HS3ST5: variants seen among roughly 807,000 people sequenced by gnomAD.
HS3ST5 encodes the protein heparan sulfate-glucosamine 3-sulfotransferase 5.
Under a neutral mutation model 25.4 loss-of-function variants are expected in HS3ST5, and 10 were observed. The observed-to-expected ratio is 0.39, with a 90% confidence interval of 0.24 to 0.67. The LOEUF (loss-of-function observed/expected upper bound fraction) is 0.67, where lower values mean the gene tolerates loss of function less well. HS3ST5 is among the 30% of genes least tolerant of loss of function. HS3ST5 has a pLI of 0.44. For missense variants in HS3ST5, 324 were observed against 420.7 expected, an observed-to-expected ratio of 0.77 and a Z score of 2.01; for synonymous variants, 170 against 162.4, an observed-to-expected ratio of 1.05 and a Z score of -0.36.
At chr6:114,102,812 T>G (rs530688020) in intron 3 of HS3ST5, among the ~76,000 whole-genome samples, 14 of 152,270 alleles carry the variant, frequency 9.2e-5, no homozygotes, top group Non-Finnish European at 1.8e-4. Context: ...ACAGAAAAAT[T>G]CTGAACTCCA....
At chr6:114,122,514 G>A (rs369308120) in intron 3 of HS3ST5, among the ~76,000 whole-genome samples, 2 of 152,090 alleles carry the variant, frequency 1.3e-5, no homozygotes, top group African/African-American at 4.8e-5. Context: ...TTTTCAACAG[G>A]GTGGTAGATT....
At chr6:114,242,906 T>C (rs1208954550) in intron 1 of HS3ST5, among the ~76,000 whole-genome samples, 1 of 151,706 alleles carries the variant, frequency 6.6e-6, no homozygotes, top group African/African-American at 2.4e-5. Flanking sequence ...TCTTTACCCC[T>C]TTTCTTTGGA....
chr6:114,257,913 T>TGATA (rs1283574174), intron 1 of HS3ST5, among the ~76,000 whole-genome samples: 3 of 151,922 alleles, frequency 2.0e-5, no homozygotes, highest in Non-Finnish European at 4.4e-5. Flanking sequence ...ACTTATTGAT[T>TGATA]GATAGATAGA....
Position 114,065,101 on chromosome 6 carries a change from T to A in HS3ST5, c.-32-2224A>T, listed in dbSNP as rs575393615. Among the ~76,000 whole-genome samples, 3 of 150,598 alleles carry A rather than the reference T, an allele frequency of 2.0e-5. No individual in the cohort carries two copies. The South Asian group carries it at 6.3e-4, about 32-fold the overall frequency. On this transcript the variant is annotated intron_variant, in intron 3 of 4. Coordinates refer to ENST00000312719, the MANE Select transcript of HS3ST5 (RefSeq NM_153612.4). ...AATAAAATGGGGAAGAGAAAGAGAG[T>A]GAGGTTTCTTGAGGCTTACTGTGTA...
chr6:114,199,958 G>A (rs1303807294), intron 2 of HS3ST5, among the ~76,000 whole-genome samples: 3 of 152,194 alleles, frequency 2.0e-5, no homozygotes, highest in Admixed American at 1.3e-4. Flanking sequence ...TCACGCCTGT[G>A]TTCCCAGCAC....
chr6:114,160,160 G>C (rs765938817), intron 3 of HS3ST5, among the ~76,000 whole-genome samples: 5 of 152,170 alleles, frequency 3.3e-5, no homozygotes, highest in Admixed American at 1.3e-4. Context: ...ATGCCTGGCA[G>C]CAATAGGCGT....
chr6:114,340,466 AAC>A (rs1358408600), intron 1 of HS3ST5: 3 of 152,348 alleles, frequency 2.0e-5, no homozygotes, highest in East Asian at 1.9e-4. Flanking sequence ...AAATTTAAGC[AAC>A]AGTTTCCTTC....
At chr6:114,307,461 ATT>A (rs1775346107) in intron 1 of HS3ST5, among the ~76,000 whole-genome samples, 1 of 151,948 alleles carries the variant, frequency 6.6e-6, no homozygotes. Context: ...ATGTCTAAGA[ATT>A]TTATTGTTGT....
intron 3 of HS3ST5, among the ~76,000 whole-genome samples, chr6:114,092,037 TC>T (rs923700882): frequency 2.6e-5 from 4 of 152,228 alleles, no homozygotes; most frequent in Non-Finnish European, 5.9e-5. Context: ...TTTTATCTCT[TC>T]GTTTTTCCAA....
chr6:114,086,571 T>A (rs1353654651), intron 3 of HS3ST5, among the ~76,000 whole-genome samples: 1 of 152,204 alleles, frequency 6.6e-6, no homozygotes, highest in Non-Finnish European at 1.5e-5. Flanking sequence ...TGTGAGATGC[T>A]CAGCAGAGAA....
chr6:114,185,084 C>G (rs911499261), intron 2 of HS3ST5, among the ~76,000 whole-genome samples: 1 of 152,074 alleles, frequency 6.6e-6, no homozygotes, highest in African/African-American at 2.4e-5. Flanking sequence ...GGACTTTAGA[C>G]TTAGGAGTTG....
chr6:114,278,545 T>C (rs1233915539), intron 1 of HS3ST5, among the ~76,000 whole-genome samples: 2 of 151,628 alleles, frequency 1.3e-5, no homozygotes, highest in African/African-American at 4.8e-5. Context: ...TTCAGTATTC[T>C]TTAAAAGTCC....
chr6:114,279,410 T>C (rs1201523963), intron 1 of HS3ST5, among the ~76,000 whole-genome samples: 9 of 152,062 alleles, frequency 5.9e-5, no homozygotes, highest in Admixed American at 5.9e-4. Flanking sequence ...AACCTGTTCT[T>C]TCTATTTAGA....
chr6:114,296,129 G>A (rs1774810241), intron 1 of HS3ST5, among the ~76,000 whole-genome samples: 1 of 152,040 alleles, frequency 6.6e-6, no homozygotes, highest in Non-Finnish European at 1.5e-5. Context: ...TGCAAAAATA[G>A]CAGAAGTTCA....
intron 1 of HS3ST5, among the ~76,000 whole-genome samples, chr6:114,306,264 C>T (rs1280768970): frequency 3.2e-5 from 4 of 126,246 alleles, no homozygotes; most frequent in African/African-American, 5.7e-5. Context: ...TATACACACA[C>T]ACACACACAC....
intron 1 of HS3ST5, among the ~76,000 whole-genome samples, chr6:114,297,654 A>G (rs1443383305): frequency 6.6e-6 from 1 of 152,198 alleles, no homozygotes; most frequent in Non-Finnish European, 1.5e-5. Flanking sequence ...CTTTCTATGG[A>G]CAAAGTACCA....
At chr6:114,092,571 G>A (rs540595534) in intron 3 of HS3ST5, among the ~76,000 whole-genome samples, 13 of 151,944 alleles carry the variant, frequency 8.6e-5, no homozygotes, top group Admixed American at 7.9e-4. Flanking sequence ...AGCCATTTTG[G>A]TTTTGGCAGA....
At chr6:114,203,606 G>A (rs1781129876) in intron 2 of HS3ST5, among the ~76,000 whole-genome samples, 1 of 152,100 alleles carries the variant, frequency 6.6e-6, no homozygotes, top group Non-Finnish European at 1.5e-5. Flanking sequence ...TGCACAGCAA[G>A]GAACTAAGTC....
At chr6:114,122,022 C>G (rs543833924) in intron 3 of HS3ST5, among the ~76,000 whole-genome samples, 24 of 152,298 alleles carry the variant, frequency 1.6e-4, no homozygotes, top group African/African-American at 5.8e-4. Context: ...TTGCTTCGCT[C>G]CTTGTCGAGA....
Sources: allele counts gnomAD v4.1 joint callset (sites outside exome capture counted in the v4.1 genomes callset), GRCh38; gene constraint gnomAD v4.1.1; transcripts MANE v1.5; gene names NCBI Gene and HGNC (gene_info 2026-07-23, HGNC 2026-07-21).